AK7: variants seen among roughly 807,000 people sequenced by gnomAD.
The protein encoded by AK7 is adenylate kinase 7.
In AK7, 78 loss-of-function variants were observed where a neutral mutation model predicts 96.6. The ratio of observed to expected loss-of-function variants is 0.81; its 90% CI spans 0.67 to 0.97. AK7 has a LOEUF of 0.97. Among genes scored for constraint, AK7 ranks in the 50% least tolerant of loss-of-function variants. The pLI is 0.00. For synonymous variants in AK7, 302 were observed against 317.2 expected, an observed-to-expected ratio of 0.95 and a Z score of 0.51; for missense variants, 855 against 887.9, an observed-to-expected ratio of 0.96 and a Z score of 0.47.
At chr14:96,438,181 T>C (rs1892754396) in intron 6 of AK7, among the ~76,000 whole-genome samples, 1 of 152,224 alleles carries the variant, frequency 6.6e-6, no homozygotes. Flanking sequence ...TGCTGGAAAC[T>C]GTTGTAGGTA....
chr14:96,480,981 T>C (rs1895473232), intron 15 of AK7, among the ~76,000 whole-genome samples: 1 of 152,204 alleles, frequency 6.6e-6, no homozygotes, highest in South Asian at 2.1e-4. Flanking sequence ...TGGACTCTGC[T>C]TCTCTCTCAG....
intron 2 of AK7, among the ~76,000 whole-genome samples, chr14:96,401,445 G>A (rs925906777): frequency 1.2e-4 from 18 of 152,152 alleles, no homozygotes; most frequent in African/African-American, 4.3e-4. Context: ...GGAGATGGTG[G>A]GGCTGAGGCT....
In AK7 at chr14:96,420,833, G is replaced by T. The variant is rs768126784; in HGVS notation, c.510G>T (p.Glu170Asp). ...RSKALDPEDS[E>D]VPFTEEDYRR... ...CTTTCTTATAATAGGAGGATTCTGA[G>T]GTTCCATTCACTGAAGAAGATTATC... is the stretch of plus-strand genomic sequence containing the variant. The change falls in exon 5 of 18, where the codon GAG (glutamate) becomes GAT (aspartate). Residue 170 changes from glutamate (E) to aspartate (D), a missense_variant. Physicochemically the swap from Glu to Asp is conservative, Grantham distance 45. Coordinates refer to ENST00000267584, the MANE Select transcript of AK7 (RefSeq NM_152327.5). 5.0e-6 allele frequency: 8 copies of T among 1,610,282 alleles called. No individual in the cohort carries two copies. Among genetic ancestry groups the T allele is most frequent in the Admixed American group, 1.7e-5 (1 of 59,902 alleles).
Position 96,483,020 on chromosome 14 carries a change from C to T in AK7, c.1775C>T (p.Ala592Val), listed in dbSNP as rs1250561735. The change falls in exon 16 of 18, where the codon GCT (alanine) becomes GTT (valine). Residue 592 changes from alanine to valine, a missense_variant. Ala to Val is a moderately conservative substitution (Grantham distance 64). Coordinates refer to ENST00000267584, the MANE Select transcript of AK7 (RefSeq NM_152327.5). ...AAAGATGTAGGAAAACTTGAAGATG[C>T]TCAGAATAGACTTGCTATCAAACAG... ...IHIDVGKLED[A>V]QNRLAIKQLI... 2 of 1,614,064 alleles carry T rather than the reference C, an allele frequency of 1.2e-6. No individual in the cohort carries two copies. Among genetic ancestry groups the T allele is most frequent in the African/African-American group, 1.3e-5 (1 of 74,924 alleles).
At chr14:96,469,630 C>A (rs1894775104) in intron 12 of AK7, among the ~76,000 whole-genome samples, 5 of 152,122 alleles carry the variant, frequency 3.3e-5, no homozygotes, top group African/African-American at 1.2e-4. Context: ...CCCCTGTGAA[C>A]CTTACTGGGA....
At chr14:96,412,234 T>C (rs1451017040) in intron 4 of AK7, among the ~76,000 whole-genome samples, 4 of 148,980 alleles carry the variant, frequency 2.7e-5, no homozygotes, top group Non-Finnish European at 4.5e-5. Context: ...TTCTTTTTTT[T>C]TTTTTTTTTT....
intron 13 of AK7, among the ~76,000 whole-genome samples, chr14:96,472,183 A>AG (rs1566807976): frequency 6.6e-6 from 1 of 152,118 alleles, no homozygotes; most frequent in Non-Finnish European, 1.5e-5. Flanking sequence ...TAAAAAAAAA[A>AG]TAGACCATCC....
At chr14:96,465,550 A>G (rs555811740) in intron 12 of AK7, among the ~76,000 whole-genome samples, 63 of 152,216 alleles carry the variant, frequency 4.1e-4, no homozygotes, top group African/African-American at 1.3e-3. Context: ...GTAAAGGAAA[A>G]CCGTGTTTCT....
In AK7 at chr14:96,478,035, A is replaced by T. The variant is rs117247341; in HGVS notation, c.1556-430A>T. ...TCTAAAATAAATATACATACATATA[A>T]GTATGTATTTTTTAAAAAAGAGAAA... On this transcript the variant is annotated intron_variant, in intron 14 of 17. Coordinates refer to ENST00000267584, the MANE Select transcript of AK7 (RefSeq NM_152327.5). Among the ~76,000 whole-genome samples the T allele has an allele frequency of 8.3e-3, 1,261 of 152,272 alleles. 11 individuals carry two copies. Among genetic ancestry groups the T allele is most frequent in the Non-Finnish European group, 0.012 (846 of 68,026 alleles).
At chr14:96,400,275 G>A (rs1469408898) in intron 2 of AK7, among the ~76,000 whole-genome samples, 1 of 151,986 alleles carries the variant, frequency 6.6e-6, no homozygotes, top group African/African-American at 2.4e-5. Flanking sequence ...TCTGGTCTTA[G>A]ATGATCTGCC....
At chr14:96,469,582 T>C (rs1006199509) in intron 12 of AK7, among the ~76,000 whole-genome samples, 1 of 152,074 alleles carries the variant, frequency 6.6e-6, no homozygotes, top group African/African-American at 2.4e-5. Flanking sequence ...TATTAGTGAA[T>C]CCCTTGACAC....
chr14:96,479,596 A>C (rs1895401744), intron 15 of AK7, among the ~76,000 whole-genome samples: 1 of 152,040 alleles, frequency 6.6e-6, no homozygotes, highest in South Asian at 2.1e-4. Flanking sequence ...TGTTTCCTGT[A>C]AACACAGCTC....
chr14:96,419,450 G>A (rs950465254), intron 4 of AK7, among the ~76,000 whole-genome samples: 3 of 152,054 alleles, frequency 2.0e-5, no homozygotes, highest in African/African-American at 7.2e-5. Flanking sequence ...GGTAACAATT[G>A]GAGACTCTGT....
intron 5 of AK7, chr14:96,423,796 G>C (rs1891854534): frequency 2.7e-6 from 2 of 750,844 alleles, no homozygotes; most frequent in Admixed American, 1.7e-5. Context: ...ACTTTTTACG[G>C]GGGGACGCCA....
intron 12 of AK7, among the ~76,000 whole-genome samples, chr14:96,471,005 A>G (rs1316257233): frequency 3.9e-5 from 6 of 152,184 alleles, no homozygotes; most frequent in African/African-American, 1.4e-4. Context: ...CTCCTACATT[A>G]CTGTGCATTA....
chr14:96,397,011 T>C (rs1890119415), intron 1 of AK7, among the ~76,000 whole-genome samples: 1 of 152,014 alleles, frequency 6.6e-6, no homozygotes, highest in African/African-American at 2.4e-5. Flanking sequence ...GCCGGAGGAT[T>C]GGTTGAGGCC....
At chr14:96,443,946 T>C (rs1373001323) in intron 7 of AK7, among the ~76,000 whole-genome samples, 2 of 151,982 alleles carry the variant, frequency 1.3e-5, no homozygotes, top group Non-Finnish European at 2.9e-5. Flanking sequence ...GCTAATTTTT[T>C]GTATTTTTTT....
intron 4 of AK7, among the ~76,000 whole-genome samples, chr14:96,411,382 G>A (rs765526710): frequency 2.0e-5 from 3 of 150,870 alleles, no homozygotes; most frequent in Non-Finnish European, 3.0e-5. Context: ...ATGGTGGTAC[G>A]CGCCTGTAGT....
At chr14:96,476,117 G>T (rs1243839063) in intron 14 of AK7, among the ~76,000 whole-genome samples, 1 of 152,140 alleles carries the variant, frequency 6.6e-6, no homozygotes, top group African/African-American at 2.4e-5. Context: ...ACTGCTGTTA[G>T]CCTATGTCCA....
Sources: gnomAD v4.1 joint callset for allele counts (sites outside exome capture counted in the v4.1 genomes callset) on GRCh38, gnomAD v4.1.1 for gene constraint, MANE v1.5 for transcripts, NCBI Gene and HGNC (gene_info 2026-07-23, HGNC 2026-07-21) for gene names.